PPP1R15B: variants seen among roughly 807,000 people sequenced by gnomAD.
PPP1R15B encodes protein phosphatase 1 regulatory subunit 15B, also known as protein phosphatase 1, regulatory (inhibitor) subunit 15B.
In PPP1R15B, 31 loss-of-function variants were observed where a neutral mutation model predicts 53.9. The ratio of observed to expected loss-of-function variants is 0.58; its 90% CI spans 0.43 to 0.78. The LOEUF is 0.78. PPP1R15B is among the 30% of genes least tolerant of loss of function. PPP1R15B has a pLI of 0.00. For synonymous variants in PPP1R15B, 345 were observed against 329.1 expected, an observed-to-expected ratio of 1.05 and a Z score of -0.52; for missense variants, 928 against 849.6, an observed-to-expected ratio of 1.09 and a Z score of -1.15.
intron 1 of PPP1R15B, among the ~76,000 whole-genome samples, chr1:204,406,902 C>G (rs968455706): frequency 1.3e-5 from 2 of 152,068 alleles, no homozygotes; most frequent in Admixed American, 6.5e-5. Flanking sequence ...GTCTGCCCCC[C>G]CCAATCCCCC....
Position 204,411,388 on chromosome 1 carries a change from C to G in PPP1R15B, c.24G>C (p.Ser8=). 1 of 1,612,802 alleles carries G rather than the reference C, an allele frequency of 6.2e-7. No individual in the cohort carries two copies. The highest frequency in any genetic ancestry group is 1.1e-5 in the South Asian group (1 of 91,028). Residue 8 remains serine, a synonymous_variant, in exon 1 of 2, where the codon TCG becomes TCC. Transcript: ENST00000367188. MEPGTGG[S]RKRLGPRAGF... ...CCGCCCGAGGGCCAAGCCGTTTCCG[C>G]GATCCGCCTGTCCCCGGCTCCATCT...
chr1:204,409,477 A>T lies in PPP1R15B; in HGVS notation c.1920+15T>A. 6.3e-7 allele frequency: 1 copy of T among 1,594,952 alleles called. No homozygotes were observed. The highest frequency in any genetic ancestry group is 1.3e-5 in the African/African-American group (1 of 74,210). On this transcript the variant is annotated intron_variant, in intron 1 of 1. Coordinates refer to ENST00000367188, the MANE Select transcript of PPP1R15B (RefSeq NM_032833.5). ...GTCAGAACATATCAGGCATGTTAAA[A>T]GACAAGAAACAAACCTTTTTTCTTT...
rs754852409 is a variant in PPP1R15B, at chr1:204,409,720, G to A, written c.1692C>T (p.Asp564=). Residue 564 remains aspartate, a synonymous_variant, in exon 1 of 2, where the codon GAC becomes GAT. Transcript: ENST00000367188. ...CCTTAAAATTTAAAGGGTTGTAGGG[G>A]TCATCAGAATTACAGAATGAGTTCC... ...KLWNSFCNSD[D]PYNPLNFKAP... 79 of 1,613,960 alleles carry A rather than the reference G, an allele frequency of 4.9e-5. No homozygotes were observed. The highest frequency in any genetic ancestry group is 8.9e-5 in the East Asian group (4 of 44,882).
chr1:204,406,153 C>T lies in PPP1R15B; in HGVS notation c.2081G>A (p.Arg694Lys). 6.2e-7 allele frequency: 1 copy of T among 1,614,148 alleles called. No individual in the cohort carries two copies. Among genetic ancestry groups the T allele is most frequent in the East Asian group, 2.2e-5 (1 of 44,878 alleles). ...TGTTCCCTGGAGTCTATTAAACATTCTTTCTCTGTGTTCAAATGTCAAGCA... is the reference window on the plus strand; with the variant it reads ...TGTTCCCTGGAGTCTATTAAACATTTTTTCTCTGTGTTCAAATGTCAAGCA... The part of the protein sequence containing the change: ...GYCLTFEHRE[R>K]MFNRLQGTCF... The change falls in exon 2 of 2, where the codon AGA becomes AAA. Residue 694 changes from arginine to lysine, a missense_variant. Coordinates refer to ENST00000367188, the MANE Select transcript of PPP1R15B (RefSeq NM_032833.5).
rs751597239 is a variant in PPP1R15B at position 204,410,422 on chromosome 1, G to A, written c.990C>T (p.Ser330=). ...NGYHSLEEEH[S]LLRMDPKHCR... is the part of the protein sequence containing the mutation. ...AGTGTTTTGGATCCATCCGGAGAAG[G>A]CTGTGTTCCTCCTCCAGGCTGTGGT... The change falls in exon 1 of 2, where the codon AGC becomes AGT. Residue 330 remains serine (S), a synonymous_variant. Coordinates refer to ENST00000367188, the MANE Select transcript of PPP1R15B (RefSeq NM_032833.5). 8 of 1,614,228 alleles carry A rather than the reference G, an allele frequency of 5.0e-6. No individual in the cohort carries two copies. Among genetic ancestry groups the A allele is most frequent in the Non-Finnish European group, 6.8e-6 (8 of 1,180,040 alleles).
rs1674361869 is a variant in PPP1R15B, at chr1:204,410,965, C to A, written c.447G>T (p.Trp149Cys). 1.9e-6 allele frequency: 3 copies of A among 1,614,110 alleles called. No homozygotes were observed. In the South Asian group the frequency reaches 3.3e-5, roughly 18 times the overall value. Residue 149 changes from tryptophan to cysteine, a missense_variant, in exon 1 of 2, where the codon TGG (tryptophan) becomes TGT (cysteine). Physicochemically the swap from Trp to Cys is radical, Grantham distance 215. Transcript: ENST00000367188. ...ATTTTAGGTCTGGGGGCGAGTATTG[C>A]CAGTGGATCCCCTCCTCTAGCCAAT... Reference protein sequence around the residue: ...PLDWLEEGIHWQYSPPDLKLE... With the variant: ...PLDWLEEGIHCQYSPPDLKLE...
At chr1:204,402,395 T>A (rs536014200), downstream of PPP1R15B, among the ~76,000 whole-genome samples, 8 of 152,226 alleles carry the variant, frequency 5.3e-5, no homozygotes, top group African/African-American at 1.9e-4. Flanking sequence ...TCCATATATC[T>A]AGTATTAAAG....
chr1:204,403,945 A>G lies in PPP1R15B; in HGVS notation c.*2147T>C, dbSNP rs1572252408. 1.0e-6 allele frequency: 1 copy of G among 985,486 alleles called. No individual in the cohort carries two copies. The highest frequency in any genetic ancestry group is 1.2e-6 in the Non-Finnish European group (1 of 829,926). The allele number at this position is 985,486 out of a possible 1,614,324, so 61.0% of individuals were successfully genotyped here. A position where few individuals can be genotyped will look rare whatever the true frequency, so the allele number is the denominator to read the frequency against. On this transcript the variant is annotated 3_prime_UTR_variant, in exon 2 of 2. Transcript: ENST00000367188. ...GTGAGGTTAGAATCCCATGGGGAACAATTTTCCAAAATCCAATGAAAGATG... is the reference window on the plus strand; with the variant it reads ...GTGAGGTTAGAATCCCATGGGGAACGATTTTCCAAAATCCAATGAAAGATG...
At chr1:204,406,461 T>A in intron 1 of PPP1R15B, 148 bp from the exon 2 acceptor site, 1 of 1,254,940 alleles carries the variant, frequency 8.0e-7, no homozygotes, top group South Asian at 1.6e-5. Flanking sequence ...CCAGCTATAT[T>A]TGAAGTTAAA....
chr1:204,400,826 T>C (rs1674168483), downstream of PPP1R15B: 1 of 553,266 alleles, frequency 1.8e-6, no homozygotes, highest in South Asian at 7.7e-5. Flanking sequence ...ATTCAGCAAA[T>C]AAAGGCAGGA....
chr1:204,397,187 AAAATAAATAAATACAT>A (rs1674109854), downstream of PPP1R15B, among the ~76,000 whole-genome samples: 5 of 151,896 alleles, frequency 3.3e-5, no homozygotes, highest in Admixed American at 3.3e-4. Flanking sequence ...GTTCTGTCTC[AAAATAAATAAATACAT>A]AAATAAATAA....
intron 1 of PPP1R15B, 86 bp downstream of exon 1, chr1:204,409,406 C>A: frequency 6.9e-7 from 1 of 1,452,970 alleles, no homozygotes; most frequent in Admixed American, 2.2e-5. Flanking sequence ...TACATGCACT[C>A]CTAAGCCTCC....
chr1:204,402,313 C>T (rs1674190923), downstream of PPP1R15B, among the ~76,000 whole-genome samples: 2 of 152,144 alleles, frequency 1.3e-5, no homozygotes, highest in Admixed American at 1.3e-4. Flanking sequence ...GTTGCCATAA[C>T]CCAAATGCTT....
In PPP1R15B at chr1:204,411,317, C is replaced by T. The variant is rs770827036; in HGVS notation, c.95G>A (p.Gly32Asp). The change falls in exon 1 of 2, where the codon GGC becomes GAC. Residue 32 changes from glycine to aspartate, a missense_variant. Physicochemically the swap from Gly to Asp is moderately conservative, Grantham distance 94. Transcript: ENST00000367188. ...AAGAGGCGTCGGGAACTTAGAAGAG[C>T]CTGCTTGCGATCGCCGAGGGAAAAA... ...PPFFPRRSQA[G>D]SSKFPTPLGP... The T allele has an allele frequency of 6.2e-7, 1 of 1,614,160 alleles. No individual in the cohort carries two copies. Among genetic ancestry groups the T allele is most frequent in the Non-Finnish European group, 8.5e-7 (1 of 1,180,034 alleles).
chr1:204,405,938 G>A lies in PPP1R15B; in HGVS notation c.*154C>T. ...TGGCTTCAAACCTGAATGTTTCTGA[G>A]TGGGATATGTTGCAAAAAAAAAAAT... On this transcript the variant is annotated 3_prime_UTR_variant, in exon 2 of 2. Coordinates refer to ENST00000367188, the MANE Select transcript of PPP1R15B (RefSeq NM_032833.5). 1 of 1,423,106 alleles carries A rather than the reference G, an allele frequency of 7.0e-7. No homozygotes were observed. Among genetic ancestry groups the A allele is most frequent in the Non-Finnish European group, 9.2e-7 (1 of 1,092,716 alleles). 88.2% of individuals were successfully genotyped at this position (1,423,106 alleles called of 1,614,324 possible). A position where few individuals can be genotyped will look rare whatever the true frequency, so the allele number is the denominator to read the frequency against.
At position 204,404,400 on chromosome 1, in the gene PPP1R15B, G is replaced by A. The variant is rs973839416; in HGVS notation, c.*1692C>T. The A allele has an allele frequency of 3.1e-5, 16 of 509,432 alleles. No homozygotes were observed. Among genetic ancestry groups the A allele is most frequent in the Non-Finnish European group, 3.8e-5 (15 of 395,742 alleles). The allele number at this position is 509,432 out of a possible 1,614,324, so 31.6% of individuals were successfully genotyped here. A position where few individuals can be genotyped will look rare whatever the true frequency, so the allele number is the denominator to read the frequency against. ...CTCGGGAGGCTGAGGCAGGAGAATC[G>A]CGTGAACCCAGGAGGCGGAGGTTGC... On this transcript the variant is annotated 3_prime_UTR_variant, in exon 2 of 2. Transcript: ENST00000367188.
chr1:204,409,827 G>T lies in PPP1R15B; in HGVS notation c.1585C>A (p.Leu529Ile). Residue 529 changes from leucine (L) to isoleucine (I), a missense_variant, in exon 1 of 2, where the codon CTT (leucine) becomes ATT (isoleucine). Physicochemically the swap from Leu to Ile is conservative, Grantham distance 5. Transcript: ENST00000367188. Reference sequence around the variant, plus strand: ...GAACTATGCTCAGGGGTCTCAGGAAGGCTTCCAGACTGGGAGGAATTCTCT... The same window carrying T: ...GAACTATGCTCAGGGGTCTCAGGAATGCTTCCAGACTGGGAGGAATTCTCT... ...DLENSSQSGS[L>I]PETPEHSSGE... 6.2e-7 allele frequency: 1 copy of T among 1,614,152 alleles called. No homozygotes were observed.
downstream of PPP1R15B, among the ~76,000 whole-genome samples, chr1:204,401,924 T>C (rs1332889550): frequency 1.3e-5 from 2 of 152,090 alleles, no homozygotes; most frequent in African/African-American, 2.4e-5. Flanking sequence ...AGCAAGACCA[T>C]CTCAAAAAAA....
chr1:204,411,700 T>G lies in PPP1R15B; in HGVS notation c.-289A>C. ...GACGCTTCAACACCATGGATAGGAGTCCCCCCACGGCCTCGGCGATGGTTT... is the reference window on the plus strand; with the variant it reads ...GACGCTTCAACACCATGGATAGGAGGCCCCCCACGGCCTCGGCGATGGTTT... On this transcript the variant is annotated 5_prime_UTR_variant, in exon 1 of 2. Transcript: ENST00000367188. 6.1e-6 allele frequency: 3 copies of G among 495,150 alleles called. No individual in the cohort carries two copies. Among genetic ancestry groups the G allele is most frequent in the Non-Finnish European group, 1.1e-5 (3 of 277,576 alleles). 30.7% of individuals were successfully genotyped at this position (495,150 alleles called of 1,614,324 possible). A position where few individuals can be genotyped will look rare whatever the true frequency, so the allele number is the denominator to read the frequency against.
Sources: gnomAD v4.1 joint callset for allele counts (sites outside exome capture counted in the v4.1 genomes callset) on GRCh38, gnomAD v4.1.1 for gene constraint, MANE v1.5 for transcripts, NCBI Gene and HGNC (gene_info 2026-07-23, HGNC 2026-07-21) for gene names.